The following GTPBP10 variants were observed in gnomAD, a reference collection of about 807,000 sequenced individuals.
GTPBP10 encodes GTP-binding protein 10.
Under a neutral mutation model 44.8 loss-of-function variants are expected in GTPBP10, and 38 were observed. That is an observed-to-expected ratio of 0.85 (90% CI 0.65 to 1.11). The LOEUF (loss-of-function observed/expected upper bound fraction) is 1.11. GTPBP10 is among the 50% of genes most tolerant of loss of function. GTPBP10 has a pLI of 0.00. For missense variants in GTPBP10, 462 were observed against 453.7 expected, an observed-to-expected ratio of 1.02 and a Z score of -0.17; for synonymous variants, 152 against 150.6, an observed-to-expected ratio of 1.01 and a Z score of -0.07.
rs1156462963 is a variant in GTPBP10, at chr7:90,385,362, G to A, written c.*208G>A. 5.1e-6 allele frequency: 2 copies of A among 395,556 alleles called. No individual in the cohort carries two copies. The highest frequency in any genetic ancestry group is 4.4e-6 in the Non-Finnish European group (1 of 224,884). 24.5% of individuals were successfully genotyped at this position (395,556 alleles called of 1,614,324 possible). A position where few individuals can be genotyped will look rare whatever the true frequency, so the allele number is the denominator to read the frequency against. On this transcript the variant is annotated 3_prime_UTR_variant, in exon 10 of 10. Transcript: ENST00000222511. ...TATCAAGGGCTGGTGGGGCAGTGGAGGATTGAGGAGATATTGGTCAAAATT... is the reference window on the plus strand; with the variant it reads ...TATCAAGGGCTGGTGGGGCAGTGGAAGATTGAGGAGATATTGGTCAAAATT...
rs896158649 is a variant in GTPBP10, at chr7:90,352,906, G to A, written c.124G>A (p.Gly42Ser). 1 of 1,613,984 alleles carries A rather than the reference G, an allele frequency of 6.2e-7. No homozygotes were observed. The highest frequency in any genetic ancestry group is 1.7e-5 in the Admixed American group (1 of 59,996). ...YPRLGGEGGK[G>S]GDVWVVAQNR... Reference sequence around the variant, plus strand: ...TCGTTTAGGTGGAGAAGGTGGAAAAGGTGGTGATGTCTGGGTTGTAGCCCA... The same window carrying A: ...TCGTTTAGGTGGAGAAGGTGGAAAAAGTGGTGATGTCTGGGTTGTAGCCCA... Residue 42 changes from glycine (G) to serine (S), a missense_variant, in exon 2 of 10, where the codon GGT becomes AGT. Physicochemically the swap from Gly to Ser is moderately conservative, Grantham distance 56. Coordinates refer to ENST00000222511, the MANE Select transcript of GTPBP10 (RefSeq NM_033107.4).
Position 90,352,768 on chromosome 7 carries a change from G to A in GTPBP10, c.34-48G>A, listed in dbSNP as rs760013858. On this transcript the variant is annotated intron_variant, in intron 1 of 9. Coordinates refer to ENST00000222511, the MANE Select transcript of GTPBP10 (RefSeq NM_033107.4). ...AGAAAGAACTAGAAAAAGGTTCTAA[G>A]GTGATACACTTTTGGTATACAAATA... 1.1e-5 allele frequency: 16 copies of A among 1,423,372 alleles called. No homozygotes were observed. The East Asian group carries it at 3.8e-4, about 33-fold the overall frequency. The allele number at this position is 1,423,372 out of a possible 1,614,324, so 88.2% of individuals were successfully genotyped here.
At chr7:90,354,415 TAC>T (rs112308057) in intron 2 of GTPBP10, 41 bp from the exon 3 acceptor site, 140 of 954,380 alleles carry the variant, frequency 1.5e-4, no homozygotes, top group South Asian at 2.0e-4. Flanking sequence ...TGTGTATATA[TAC>T]ACACACACAT....
intron 1 of GTPBP10, among the ~76,000 whole-genome samples, chr7:90,348,310 C>T (rs926022133): frequency 2.0e-5 from 3 of 152,138 alleles, no homozygotes; most frequent in African/African-American, 7.2e-5. Context: ...GAGATGCCCC[C>T]GCCACAGCTG....
At chr7:90,365,234 G>A (rs1381188390) in intron 4 of GTPBP10, among the ~76,000 whole-genome samples, 1 of 152,168 alleles carries the variant, frequency 6.6e-6, no homozygotes, top group East Asian at 1.9e-4. Flanking sequence ...ACTGGGAGCT[G>A]TAGACTGGAG....
intron 4 of GTPBP10, among the ~76,000 whole-genome samples, chr7:90,363,961 C>A (rs1796079812): frequency 6.6e-6 from 1 of 152,220 alleles, no homozygotes; most frequent in African/African-American, 2.4e-5. Flanking sequence ...TCACATAGTT[C>A]TCATGCCATG....
At chr7:90,358,913 C>G (rs1005993950) in intron 4 of GTPBP10, among the ~76,000 whole-genome samples, 1 of 151,990 alleles carries the variant, frequency 6.6e-6, no homozygotes, top group African/African-American at 2.4e-5. Context: ...AAAAACAATT[C>G]CGTTAAAAAG....
intron 6 of GTPBP10, 77 bp from the exon 7 acceptor site, chr7:90,377,428 CTT>C (rs1796359591): frequency 1.1e-6 from 1 of 872,272 alleles, no homozygotes; most frequent in African/African-American, 1.7e-5. Context: ...TTTGAAATAT[CTT>C]AAAAATTTTG....
intron 1 of GTPBP10, among the ~76,000 whole-genome samples, chr7:90,352,344 T>C (rs1308041645): frequency 6.6e-6 from 1 of 152,246 alleles, no homozygotes; most frequent in Non-Finnish European, 1.5e-5. Context: ...GAGGTGGCTA[T>C]TATTCAACTG....
chr7:90,364,410 G>T (rs1006018180), intron 4 of GTPBP10, among the ~76,000 whole-genome samples: 3 of 152,246 alleles, frequency 2.0e-5, no homozygotes, highest in South Asian at 2.1e-4. Flanking sequence ...ACTCCAGACC[G>T]TTTGCCTGGG....
intron 4 of GTPBP10, among the ~76,000 whole-genome samples, chr7:90,367,456 G>A (rs570813876): frequency 6.6e-5 from 10 of 152,114 alleles, no homozygotes; most frequent in Non-Finnish European, 1.5e-4. Context: ...TTATGAATCT[G>A]GGTGCTTTTG....
intron 1 of GTPBP10, among the ~76,000 whole-genome samples, chr7:90,352,158 G>A (rs1795802597): frequency 6.6e-6 from 1 of 152,188 alleles, no homozygotes; most frequent in Non-Finnish European, 1.5e-5. Flanking sequence ...CTAGGGCAGT[G>A]GTACTGGAGA....
At chr7:90,363,841 C>T (rs1326120595) in intron 4 of GTPBP10, among the ~76,000 whole-genome samples, 1 of 148,140 alleles carries the variant, frequency 6.8e-6, no homozygotes, top group African/African-American at 2.5e-5. Context: ...TTTCGTTTTA[C>T]TCTTTTTTCT....
intron 6 of GTPBP10, among the ~76,000 whole-genome samples, chr7:90,377,178 C>T (rs1025737073): frequency 6.6e-6 from 1 of 152,066 alleles, no homozygotes; most frequent in African/African-American, 2.4e-5. Context: ...GATCTATGGT[C>T]ACACCACTGC....
intron 4 of GTPBP10, among the ~76,000 whole-genome samples, chr7:90,368,335 T>G (rs932150713): frequency 6.6e-6 from 1 of 152,232 alleles, no homozygotes; most frequent in African/African-American, 2.4e-5. Flanking sequence ...CCGTCTTTGC[T>G]AGGTTGGGGA....
chr7:90,369,481 T>G (rs556701037), intron 4 of GTPBP10, among the ~76,000 whole-genome samples: 2 of 152,286 alleles, frequency 1.3e-5, no homozygotes, highest in South Asian at 4.1e-4. Context: ...CCTCTTTGTT[T>G]ACACTGTCAG....
chr7:90,354,620 C>T (rs1795858934), intron 3 of GTPBP10, 71 bp downstream of exon 3: 1 of 750,482 alleles, frequency 1.3e-6, no homozygotes, highest in Admixed American at 2.8e-5. Context: ...GGAATAGCTT[C>T]TCTTGAGTTT....
At chr7:90,368,338 G>A (rs1413051109) in intron 4 of GTPBP10, among the ~76,000 whole-genome samples, 3 of 152,162 alleles carry the variant, frequency 2.0e-5, no homozygotes, top group African/African-American at 4.8e-5. Flanking sequence ...TCTTTGCTAG[G>A]TTGGGGAAGT....
chr7:90,380,013 A>G (rs1428855305), intron 8 of GTPBP10, among the ~76,000 whole-genome samples: 2 of 128,898 alleles, frequency 1.6e-5, no homozygotes, highest in African/African-American at 5.7e-5. Flanking sequence ...TATTTGTATT[A>G]TTTGTCTTTT....
Sources: allele counts gnomAD v4.1 joint callset (sites outside exome capture counted in the v4.1 genomes callset), GRCh38; gene constraint gnomAD v4.1.1; transcripts MANE v1.5; gene names NCBI Gene and HGNC (gene_info 2026-07-23, HGNC 2026-07-21).